Variants in NAV2 observed in about 807,000 individuals in gnomAD.
The protein encoded by NAV2 is helicase, APC down-regulated 1.
In NAV2, 54 loss-of-function variants were observed where a neutral mutation model predicts 223.2. That is an observed-to-expected ratio of 0.24 (90% CI 0.19 to 0.30). The LOEUF is 0.30. Ranked by LOEUF, NAV2 falls within the 10% of genes least tolerant of loss-of-function variation. The pLI is 1.00. For missense variants in NAV2, 2,806 were observed against 3,147.5 expected (o/e 0.89, Z 2.60); for synonymous variants, 1,279 against 1,239.3 (o/e 1.03, Z -0.67).
chr11:20,114,449 C>T (rs189117739), intron 36 of NAV2, 143 bp from the exon 37 acceptor site: 10 of 736,248 alleles, frequency 1.4e-5, no homozygotes, highest in South Asian at 1.1e-4. Flanking sequence ...TGGATGACTT[C>T]CTGAGCATGG....
At chr11:19,860,573 C>T (rs1372622190) in intron 3 of NAV2, among the ~76,000 whole-genome samples, 2 of 150,982 alleles carry the variant, frequency 1.3e-5, no homozygotes, top group African/African-American at 2.4e-5. Context: ...AGGGGCTCCT[C>T]ACATCCCAGA....
At chr11:20,006,823 G>T (rs2153500357) in intron 11 of NAV2, among the ~76,000 whole-genome samples, 1 of 152,200 alleles carries the variant, frequency 6.6e-6, no homozygotes, top group East Asian at 1.9e-4. Flanking sequence ...CTGCATTCCA[G>T]CCTGGGCAAC....
At chr11:19,425,677 G>A (rs1850798755) in intron 1 of NAV2, among the ~76,000 whole-genome samples, 1 of 152,188 alleles carries the variant, frequency 6.6e-6, no homozygotes, top group East Asian at 1.9e-4. Context: ...TAAATTTGGG[G>A]ACAGGGATGA....
At chr11:19,601,578 G>C (rs1259431453) in intron 1 of NAV2, among the ~76,000 whole-genome samples, 1 of 152,074 alleles carries the variant, frequency 6.6e-6, no homozygotes, top group Non-Finnish European at 1.5e-5. Flanking sequence ...TCTGGTAATG[G>C]GGAAATGGGA....
At chr11:20,076,009 A>G (rs1192727364) in intron 22 of NAV2, among the ~76,000 whole-genome samples, 3 of 151,914 alleles carry the variant, frequency 2.0e-5, no homozygotes, top group African/African-American at 4.8e-5. Flanking sequence ...CTCATTCCCA[A>G]ACCTCCTTTT....
At chr11:19,452,746 A>G (rs1022482386) in intron 1 of NAV2, among the ~76,000 whole-genome samples, 1 of 152,216 alleles carries the variant, frequency 6.6e-6, no homozygotes, top group Non-Finnish European at 1.5e-5. Context: ...TTTTTTGAAT[A>G]CTGTATTCAA....
intron 11 of NAV2, among the ~76,000 whole-genome samples, chr11:19,988,865 C>T (rs563629717): frequency 2.6e-5 from 4 of 152,194 alleles, no homozygotes; most frequent in Non-Finnish European, 5.9e-5. Context: ...TGGAACAAAG[C>T]AGGCCTCCTG....
chr11:19,387,867 G>A (rs1849103437), intron 1 of NAV2, among the ~76,000 whole-genome samples: 1 of 152,182 alleles, frequency 6.6e-6, no homozygotes, highest in African/African-American at 2.4e-5. Flanking sequence ...TTGCAAATGT[G>A]TGGTTCCCTT....
intron 1 of NAV2, among the ~76,000 whole-genome samples, chr11:19,641,410 A>G (rs1003565525): frequency 6.6e-6 from 1 of 152,022 alleles, no homozygotes; most frequent in Non-Finnish European, 1.5e-5. Context: ...TGCCTGGAAT[A>G]CTGCAGGAGA....
intron 1 of NAV2, among the ~76,000 whole-genome samples, chr11:19,807,797 CA>C (rs2058655072): frequency 6.6e-6 from 1 of 152,250 alleles, no homozygotes; most frequent in Admixed American, 6.5e-5. Flanking sequence ...TCTCTCTCTA[CA>C]CGTTCACCTG....
intron 6 of NAV2, among the ~76,000 whole-genome samples, chr11:19,920,786 A>G (rs2044213633): frequency 6.6e-6 from 1 of 152,246 alleles, no homozygotes; most frequent in Non-Finnish European, 1.5e-5. Flanking sequence ...TAGTCTGAAT[A>G]TCACAGAACA....
At chr11:19,530,621 G>T (rs1437155824) in intron 1 of NAV2, among the ~76,000 whole-genome samples, 1 of 152,206 alleles carries the variant, frequency 6.6e-6, no homozygotes, top group African/African-American at 2.4e-5. Context: ...GCTTCTGTCT[G>T]AGTTCACCTG....
chr11:19,376,471 T>C (rs993543723), intron 1 of NAV2, among the ~76,000 whole-genome samples: 1 of 152,206 alleles, frequency 6.6e-6, no homozygotes, highest in Non-Finnish European at 1.5e-5. Flanking sequence ...GACGAGGGAC[T>C]CACCTGCTGT....
intron 1 of NAV2, among the ~76,000 whole-genome samples, chr11:19,776,819 G>C (rs2056259875): frequency 6.6e-6 from 1 of 152,024 alleles, no homozygotes. Flanking sequence ...TGAGGCGCCG[G>C]CTGGTGTCTG....
At chr11:19,594,287 A>G (rs1470595445) in intron 1 of NAV2, among the ~76,000 whole-genome samples, 4 of 152,114 alleles carry the variant, frequency 2.6e-5, no homozygotes, top group Non-Finnish European at 5.9e-5. Context: ...CAAGCACTAG[A>G]ACAGATTTCT....
chr11:19,786,678 T>C (rs2057140731), intron 1 of NAV2, among the ~76,000 whole-genome samples: 1 of 152,128 alleles, frequency 6.6e-6, no homozygotes, highest in South Asian at 2.1e-4. Flanking sequence ...TGATGGAGCT[T>C]TCTTTGGGGA....
intron 1 of NAV2, among the ~76,000 whole-genome samples, chr11:19,390,259 C>G (rs1243028956): frequency 1.3e-5 from 2 of 152,052 alleles, no homozygotes; most frequent in Non-Finnish European, 2.9e-5. Flanking sequence ...CTCTCTGTGG[C>G]CTTTCATGAT....
At chr11:19,389,786 T>C (rs1333888432) in intron 1 of NAV2, among the ~76,000 whole-genome samples, 2 of 152,374 alleles carry the variant, frequency 1.3e-5, no homozygotes, top group Admixed American at 6.5e-5. Context: ...TTCCTGTGGC[T>C]GGCCTAGGCC....
At chr11:19,940,686 G>A (rs1440908187) in intron 8 of NAV2, among the ~76,000 whole-genome samples, 1 of 152,182 alleles carries the variant, frequency 6.6e-6, no homozygotes, top group Non-Finnish European at 1.5e-5. Flanking sequence ...TACAGCTGTG[G>A]AATTGGTCTG....
Sources: gnomAD v4.1 joint callset for allele counts (sites outside exome capture counted in the v4.1 genomes callset) on GRCh38, gnomAD v4.1.1 for gene constraint, MANE v1.5 for transcripts, NCBI Gene and HGNC (gene_info 2026-07-23, HGNC 2026-07-21) for gene names.